CPA6: variants seen among roughly 807,000 people sequenced by gnomAD.
The protein encoded by CPA6 is carboxypeptidase A6.
A neutral mutation model predicts 63.3 loss-of-function variants in CPA6; 58 were observed. The observed-to-expected ratio is 0.92, with a 90% CI of 0.74 to 1.14. The LOEUF (loss-of-function observed/expected upper bound fraction) is 1.14, where lower values mean the gene tolerates loss of function less well. Among genes scored for constraint, CPA6 ranks in the 50% most tolerant of loss-of-function variants. CPA6 has a pLI of 0.00. For missense variants in CPA6, 565 were observed against 526.6 expected, an observed-to-expected ratio of 1.07 and a Z score of -0.71; for synonymous variants, 185 against 179.0, an observed-to-expected ratio of 1.03 and a Z score of -0.27.
intron 1 of CPA6, among the ~76,000 whole-genome samples, chr8:67,658,439 C>A (rs907768272): frequency 3.9e-5 from 6 of 152,176 alleles, no homozygotes; most frequent in Admixed American, 3.9e-4. Flanking sequence ...ACAAAATCAG[C>A]TTCCCTGTGG....
intron 2 of CPA6, among the ~76,000 whole-genome samples, chr8:67,567,820 C>T (rs530765653): frequency 2.0e-5 from 3 of 152,318 alleles, no homozygotes; most frequent in Admixed American, 2.0e-4. Context: ...GGGAAGTGGA[C>T]AGCCAGCTTC....
intron 8 of CPA6, among the ~76,000 whole-genome samples, chr8:67,448,670 G>GAAA (rs1040785661): frequency 2.7e-5 from 2 of 75,400 alleles, no homozygotes; most frequent in East Asian, 3.6e-4. Flanking sequence ...GAACGAAAAA[G>GAAA]AAAAAAAAAG....
chr8:67,535,816 T>C (rs1812572821), intron 2 of CPA6, among the ~76,000 whole-genome samples: 1 of 152,234 alleles, frequency 6.6e-6, no homozygotes, highest in African/African-American at 2.4e-5. Flanking sequence ...CTAGGTTTTC[T>C]TCTAGGGTTT....
At chr8:67,527,354 T>G (rs546126304) in intron 2 of CPA6, among the ~76,000 whole-genome samples, 1 of 152,328 alleles carries the variant, frequency 6.6e-6, no homozygotes, top group South Asian at 2.1e-4. Flanking sequence ...AGATGTCGGC[T>G]TAAGAATTCT....
intron 1 of CPA6, among the ~76,000 whole-genome samples, chr8:67,638,006 T>C (rs1298319547): frequency 1.3e-5 from 2 of 150,966 alleles, no homozygotes; most frequent in African/African-American, 4.9e-5. Context: ...TGTGTGTGTG[T>C]GCATGCATGC....
At position 67,711,886 on chromosome 8, in the gene CPA6, C is replaced by A. The variant is rs557372759; in HGVS notation, c.116+34128G>T. Reference sequence around the variant, plus strand: ...TACACCAATCAATACCCTGGTGGCACTGTTGCCCCAAGGAGAAACAGAGCT... The same window carrying A: ...TACACCAATCAATACCCTGGTGGCAATGTTGCCCCAAGGAGAAACAGAGCT... On this transcript the variant is annotated intron_variant, in intron 1 of 10. Coordinates refer to ENST00000297770, the MANE Select transcript of CPA6 (RefSeq NM_020361.5). Among the ~76,000 whole-genome samples the A allele has an allele frequency of 6.6e-5, 10 of 152,296 alleles. No homozygotes were observed. In the South Asian group the frequency reaches 2.1e-3, roughly 32 times the overall value.
At chr8:67,549,890 A>G (rs144684307) in intron 2 of CPA6, among the ~76,000 whole-genome samples, 8 of 152,304 alleles carry the variant, frequency 5.3e-5, no homozygotes, top group Non-Finnish European at 1.0e-4. Flanking sequence ...TATTCCATCA[A>G]TGGACATTTA....
At chr8:67,741,749 A>C (rs546728554) in intron 1 of CPA6, among the ~76,000 whole-genome samples, 1 of 152,208 alleles carries the variant, frequency 6.6e-6, no homozygotes, top group Non-Finnish European at 1.5e-5. Flanking sequence ...GTTGCAGGAA[A>C]ACAAGCTCAG....
intron 8 of CPA6, among the ~76,000 whole-genome samples, chr8:67,443,246 G>C (rs1413038224): frequency 6.6e-6 from 1 of 151,990 alleles, no homozygotes; most frequent in African/African-American, 2.4e-5. Context: ...TTTTAGTAGA[G>C]ACGGGGTTTC....
chr8:67,429,199 T>C (rs980413629), intron 9 of CPA6, among the ~76,000 whole-genome samples: 1 of 152,124 alleles, frequency 6.6e-6, no homozygotes. Context: ...TTCCTAAGAA[T>C]GGCAAAAATT....
chr8:67,433,256 T>A (rs1810068565), intron 9 of CPA6, among the ~76,000 whole-genome samples: 1 of 152,182 alleles, frequency 6.6e-6, no homozygotes, highest in Non-Finnish European at 1.5e-5. Context: ...CACCCCCTCC[T>A]TTTCCCCAGA....
At chr8:67,542,664 A>T (rs1812732207) in intron 2 of CPA6, among the ~76,000 whole-genome samples, 1 of 152,244 alleles carries the variant, frequency 6.6e-6, no homozygotes, top group Admixed American at 6.5e-5. Flanking sequence ...ATTGGTTCAT[A>T]CATGATCCAC....
intron 2 of CPA6, among the ~76,000 whole-genome samples, chr8:67,533,511 A>G (rs1044103407): frequency 6.6e-5 from 10 of 152,220 alleles, no homozygotes; most frequent in African/African-American, 1.7e-4. Context: ...TTCGGGCACT[A>G]TAGTTCGGAT....
At chr8:67,625,486 T>C (rs1815175363) in intron 1 of CPA6, among the ~76,000 whole-genome samples, 1 of 152,190 alleles carries the variant, frequency 6.6e-6, no homozygotes, top group Non-Finnish European at 1.5e-5. Context: ...TATCAATTTT[T>C]AGGTGTGTCA....
At chr8:67,504,795 T>C (rs897261554) in intron 6 of CPA6, among the ~76,000 whole-genome samples, 1 of 151,986 alleles carries the variant, frequency 6.6e-6, no homozygotes, top group African/African-American at 2.4e-5. Flanking sequence ...GAGGAGGAAA[T>C]GGCAGCCATA....
intron 6 of CPA6, among the ~76,000 whole-genome samples, chr8:67,497,032 A>C (rs2128963196): frequency 6.6e-6 from 1 of 152,144 alleles, no homozygotes. Context: ...TTTGTGATCA[A>C]CTTCTTTCAT....
chr8:67,560,023 C>A (rs984369418), intron 2 of CPA6, among the ~76,000 whole-genome samples: 3 of 151,886 alleles, frequency 2.0e-5, no homozygotes, highest in African/African-American at 7.3e-5. Context: ...TCTGTTGGCA[C>A]CTTGATCTTG....
At chr8:67,605,324 G>T (rs911888175) in intron 2 of CPA6, among the ~76,000 whole-genome samples, 2 of 152,014 alleles carry the variant, frequency 1.3e-5, no homozygotes, top group Non-Finnish European at 2.9e-5. Flanking sequence ...ATTGAATGGG[G>T]ATTAATTGGT....
chr8:67,653,534 C>T lies in CPA6; in HGVS notation c.117-29283G>A, dbSNP rs1375868918. 4.9e-4 allele frequency among the ~76,000 whole-genome samples: 75 copies of T among 151,744 alleles called. 3 individuals carry two copies. The highest frequency in any genetic ancestry group is 1.2e-4 in the Non-Finnish European group (8 of 67,928). Reference sequence around the variant, plus strand: ...GAATGGGAGTTCACTCATGATTTGGCTCTCTGTTTGTCTGTTATTGGTGTA... The same window carrying T: ...GAATGGGAGTTCACTCATGATTTGGTTCTCTGTTTGTCTGTTATTGGTGTA... On this transcript the variant is annotated intron_variant, in intron 1 of 10. Coordinates refer to ENST00000297770, the MANE Select transcript of CPA6 (RefSeq NM_020361.5).
Sources: gnomAD v4.1 joint callset for allele counts (sites outside exome capture counted in the v4.1 genomes callset) on GRCh38, gnomAD v4.1.1 for gene constraint, MANE v1.5 for transcripts, NCBI Gene and HGNC (gene_info 2026-07-23, HGNC 2026-07-21) for gene names.